Variants in IL17RD observed in about 807,000 individuals in gnomAD.
IL17RD encodes interleukin-17 receptor D.
A neutral mutation model predicts 80.5 loss-of-function variants in IL17RD; 52 were observed. The observed-to-expected ratio is 0.65, with a 90% CI of 0.52 to 0.81. The LOEUF (loss-of-function observed/expected upper bound fraction) is 0.81, where lower values mean the gene tolerates loss of function less well. Ranked by LOEUF, IL17RD falls within the 40% of genes least tolerant of loss-of-function variation. IL17RD has a pLI of 0.00. For missense variants in IL17RD, 1,024 were observed against 955.1 expected (o/e 1.07, Z -0.95); for synonymous variants, 416 against 391.8 (o/e 1.06, Z -0.73).
chr3:57,116,510 C>T (rs1707220288), intron 2 of IL17RD, among the ~76,000 whole-genome samples: 1 of 152,004 alleles, frequency 6.6e-6, no homozygotes, highest in Admixed American at 6.6e-5. Context: ...GTCTCGAACT[C>T]CCGACCTCAG....
intron 1 of IL17RD, among the ~76,000 whole-genome samples, chr3:57,120,552 A>C (rs1559474254): frequency 6.6e-6 from 1 of 152,226 alleles, no homozygotes; most frequent in Non-Finnish European, 1.5e-5. Context: ...TTCCCCTAAA[A>C]CAATAAGGGC....
At chr3:57,164,947 G>A in intron 1 of IL17RD, 6 of 1,308,882 alleles carry the variant, frequency 4.6e-6, no homozygotes, top group Non-Finnish European at 5.8e-6. Flanking sequence ...CACAAAGCCG[G>A]GGTCGGGCAG....
rs1321901042 is a variant in IL17RD at position 57,097,930 on chromosome 3, G to A, written c.1773C>T (p.Val591=). The change falls in exon 12 of 13, where the codon GTC becomes GTT. Residue 591 remains valine (V), a synonymous_variant. Transcript: ENST00000296318. ...KFDSGLVLND[V]MCKPGPESDF... ...CACTCTCAGGCCCTGGTTTGCACAT[G>A]ACATCATTTAAAACCAAGCCCGAAT... The A allele has an allele frequency of 6.2e-7, 1 of 1,613,910 alleles. No homozygotes were observed.
At chr3:57,127,410 A>ATTT (rs1383285776) in intron 1 of IL17RD, among the ~76,000 whole-genome samples, 44 of 85,998 alleles carry the variant, frequency 5.1e-4, no homozygotes, top group African/African-American at 2.0e-3. Context: ...ATATATATAT[A>ATTT]TATTTTTTTT....
intron 5 of IL17RD, among the ~76,000 whole-genome samples, chr3:57,108,509 CTT>C (rs34594516): frequency 3.0e-3 from 148 of 49,144 alleles, no homozygotes; most frequent in African/African-American, 0.013. Context: ...TGATACATGG[CTT>C]TTTTTTTTTT....
At position 57,091,699 on chromosome 3, in the gene IL17RD, T is replaced by A. The variant is rs11927968; in HGVS notation, c.*4694A>T. The A allele has an allele frequency of 0.24, 36,673 of 152,404 alleles. 4,995 individuals are homozygous for A. Among genetic ancestry groups the A allele is most frequent in the African/African-American group, 0.35 (14,483 of 41,484 alleles). The allele number at this position is 152,404 out of a possible 1,614,324, so 9.4% of individuals were successfully genotyped here. On this transcript the variant is annotated 3_prime_UTR_variant, in exon 13 of 13. Transcript: ENST00000296318. ...ACATGGAAGGTGACCAGCTGTTCTT[T>A]CTCCACTACAAGCCGAACAAAAGGA... is the stretch of plus-strand genomic sequence containing the variant.
intron 1 of IL17RD, among the ~76,000 whole-genome samples, chr3:57,132,890 C>T (rs560362124): frequency 1.3e-5 from 2 of 152,278 alleles, no homozygotes; most frequent in East Asian, 3.9e-4. Flanking sequence ...CTGATTTTCC[C>T]ACTCCTGCTC....
At chr3:57,153,594 A>T (rs1306487553) in intron 1 of IL17RD, among the ~76,000 whole-genome samples, 1 of 152,278 alleles carries the variant, frequency 6.6e-6, no homozygotes, top group African/African-American at 2.4e-5. Flanking sequence ...TGACATTAAA[A>T]GGACAAGTGA....
chr3:57,166,172 C>G (rs2060347367), upstream of IL17RD, among the ~76,000 whole-genome samples: 1 of 152,168 alleles, frequency 6.6e-6, no homozygotes, highest in Admixed American at 6.5e-5. Context: ...TCACCGCACT[C>G]TTCCCAGCGC....
intron 1 of IL17RD, among the ~76,000 whole-genome samples, chr3:57,161,193 C>T (rs918942352): frequency 6.6e-6 from 1 of 152,180 alleles, no homozygotes; most frequent in Non-Finnish European, 1.5e-5. Flanking sequence ...AATTTTTTAA[C>T]CAAGAATTCT....
At position 57,128,857 on chromosome 3, in the gene IL17RD, C is replaced by T. The variant is rs115353361; in HGVS notation, c.127-8544G>A. Among the ~76,000 whole-genome samples, 731 of 152,270 alleles carry T rather than the reference C, an allele frequency of 4.8e-3. 3 individuals carry two copies. The highest frequency in any genetic ancestry group is 0.016 in the African/African-American group (674 of 41,560). On this transcript the variant is annotated intron_variant, in intron 1 of 12. Transcript: ENST00000296318. ...AAAAACAAGGCAAAACAAAGTTGTG[C>T]AGTCTCTTTAGTTCTCACAAAGCAA...
At chr3:57,109,288 C>G (rs1439359656) in intron 5 of IL17RD, among the ~76,000 whole-genome samples, 1 of 152,098 alleles carries the variant, frequency 6.6e-6, no homozygotes, top group Non-Finnish European at 1.5e-5. Context: ...AGTGGGATTA[C>G]AGGCGCCTGC....
chr3:57,133,416 T>C (rs1353492872), intron 1 of IL17RD, among the ~76,000 whole-genome samples: 1 of 151,912 alleles, frequency 6.6e-6, no homozygotes, highest in African/African-American at 2.4e-5. Flanking sequence ...CACACACACA[T>C]GCAAACACAC....
At chr3:57,158,523 G>T (rs2060283414) in intron 1 of IL17RD, among the ~76,000 whole-genome samples, 1 of 152,198 alleles carries the variant, frequency 6.6e-6, no homozygotes, top group African/African-American at 2.4e-5. Flanking sequence ...TCCACCCAGT[G>T]ATTTGTTGAG....
intron 10 of IL17RD, 64 bp from the exon 11 acceptor site, chr3:57,101,427 T>C (rs1257280251): frequency 1.8e-5 from 20 of 1,123,806 alleles, no homozygotes; most frequent in South Asian, 6.0e-5. Context: ...TTCCTAAGAA[T>C]TGAAACCCAG....
rs1180969656 is a variant in IL17RD at position 57,092,992 on chromosome 3, A to G, written c.*3401T>C. On this transcript the variant is annotated 3_prime_UTR_variant, in exon 13 of 13. Transcript: ENST00000296318. Reference sequence around the variant, plus strand: ...TAAAATCAGAATTTTTCATATAAAAATCCAGATTGTCAGCTTTTCTTGAAA... The same window carrying G: ...TAAAATCAGAATTTTTCATATAAAAGTCCAGATTGTCAGCTTTTCTTGAAA... 6.6e-6 allele frequency: 1 copy of G among 152,212 alleles called. No individual in the cohort carries two copies. Among genetic ancestry groups the G allele is most frequent in the East Asian group, 1.9e-4 (1 of 5,198 alleles). The allele number at this position is 152,212 out of a possible 1,614,324, so 9.4% of individuals were successfully genotyped here.
Position 57,100,239 on chromosome 3 carries a change from C to G in IL17RD, c.1164+940G>C, listed in dbSNP as rs1352505567. 3.3e-5 allele frequency among the ~76,000 whole-genome samples: 5 copies of G among 152,228 alleles called. No individual in the cohort carries two copies. The South Asian group carries it at 6.2e-4, about 19-fold the overall frequency. On this transcript the variant is annotated intron_variant, in intron 11 of 12. Coordinates refer to ENST00000296318, the MANE Select transcript of IL17RD (RefSeq NM_017563.5). Reference sequence around the variant, plus strand: ...AGCACGTGCTGATCCACCAACCTCACGCTTTCATGCAGAGGGAAACTAGGC... The same window carrying G: ...AGCACGTGCTGATCCACCAACCTCAGGCTTTCATGCAGAGGGAAACTAGGC...
intron 1 of IL17RD, among the ~76,000 whole-genome samples, chr3:57,126,694 T>C (rs1707465756): frequency 6.6e-6 from 1 of 152,230 alleles, no homozygotes; most frequent in Admixed American, 6.5e-5. Context: ...CTGTGCTAAA[T>C]ATAGCGCCCC....
chr3:57,106,292 T>G (rs932257866), intron 5 of IL17RD, 138 bp from the exon 6 acceptor site: 12 of 645,270 alleles, frequency 1.9e-5, no homozygotes, highest in Non-Finnish European at 3.0e-5. Flanking sequence ...TCAATGAGGA[T>G]TTTCACTACT....
Sources: gnomAD v4.1 joint callset for allele counts (sites outside exome capture counted in the v4.1 genomes callset) on GRCh38, gnomAD v4.1.1 for gene constraint, MANE v1.5 for transcripts, NCBI Gene and HGNC (gene_info 2026-07-23, HGNC 2026-07-21) for gene names.